Variants in SIDT1 observed in about 807,000 individuals in gnomAD.
The protein encoded by SIDT1 is SID1 transmembrane family, member 1.
A neutral mutation model predicts 107.5 loss-of-function variants in SIDT1; 101 were observed. That is an observed-to-expected ratio of 0.94 (90% CI 0.80 to 1.11). The LOEUF (loss-of-function observed/expected upper bound fraction) is 1.11, where lower values mean the gene tolerates loss of function less well. SIDT1 is among the 50% of genes least tolerant of loss of function. The pLI is 0.00. For synonymous variants in SIDT1, 395 were observed against 398.2 expected (o/e 0.99, Z 0.10); for missense variants, 1,076 against 1,058.2 (o/e 1.02, Z -0.23).
intron 1 of SIDT1, among the ~76,000 whole-genome samples, chr3:113,561,370 T>C (rs1464142349): frequency 6.6e-6 from 1 of 152,218 alleles, no homozygotes; most frequent in East Asian, 1.9e-4. Context: ...GTTTTTATTA[T>C]GACTAGTAAG....
intron 1 of SIDT1, among the ~76,000 whole-genome samples, chr3:113,538,260 C>A (rs1938418475): frequency 6.6e-6 from 1 of 152,228 alleles, no homozygotes; most frequent in Non-Finnish European, 1.5e-5. Context: ...TTCTCAGAGA[C>A]TGTGAAAACA....
At chr3:113,630,916 G>A (rs759372820), downstream of SIDT1, among the ~76,000 whole-genome samples, 40 of 152,130 alleles carry the variant, frequency 2.6e-4, no homozygotes, top group Non-Finnish European at 5.1e-4. Context: ...GAAACCAACT[G>A]TTTCGTTTCC....
chr3:113,589,712 T>G (rs1264300866), intron 9 of SIDT1: 1 of 152,264 alleles, frequency 6.6e-6, no homozygotes, highest in Non-Finnish European at 1.5e-5. Flanking sequence ...TTTTGTATTT[T>G]TAGTAGAGAC....
chr3:113,571,655 C>T (rs1236779717), intron 3 of SIDT1, among the ~76,000 whole-genome samples: 2 of 152,180 alleles, frequency 1.3e-5, no homozygotes, highest in Non-Finnish European at 2.9e-5. Context: ...TAAGAAGGGG[C>T]ATTAGGAAAT....
At chr3:113,556,156 C>T (rs1237039721) in intron 1 of SIDT1, among the ~76,000 whole-genome samples, 1 of 151,970 alleles carries the variant, frequency 6.6e-6, no homozygotes, top group East Asian at 1.9e-4. Flanking sequence ...GTGTTAGTGC[C>T]CAAAATAAAA....
At chr3:113,587,211 A>C (rs993045258) in intron 9 of SIDT1, among the ~76,000 whole-genome samples, 3 of 152,220 alleles carry the variant, frequency 2.0e-5, no homozygotes, top group African/African-American at 7.2e-5. Context: ...ATCTTGATAC[A>C]TATATATCAT....
intron 8 of SIDT1, 75 bp downstream of exon 8, chr3:113,584,844 C>T: frequency 1.9e-6 from 2 of 1,028,812 alleles, no homozygotes; most frequent in Non-Finnish European, 2.9e-6. Flanking sequence ...ATATTACTGT[C>T]ATCCTTCCAG....
intron 9 of SIDT1, among the ~76,000 whole-genome samples, chr3:113,585,537 G>A (rs575793305): frequency 3.2e-4 from 49 of 152,168 alleles, no homozygotes; most frequent in African/African-American, 9.9e-4. Context: ...TGCTGGTAGA[G>A]TGTTATTTTC....
chr3:113,564,965 T>C (rs1192372431), intron 1 of SIDT1, among the ~76,000 whole-genome samples: 1 of 152,146 alleles, frequency 6.6e-6, no homozygotes, highest in African/African-American at 2.4e-5. Flanking sequence ...TTAAGGAAAA[T>C]GATATGAGAA....
intron 20 of SIDT1, among the ~76,000 whole-genome samples, chr3:113,618,073 C>A (rs1027924695): frequency 6.6e-6 from 1 of 152,180 alleles, no homozygotes; most frequent in Non-Finnish European, 1.5e-5. Context: ...CCTCTGGGCT[C>A]GGCCTATTCA....
chr3:113,597,079 C>G (rs1338483774), intron 10 of SIDT1, among the ~76,000 whole-genome samples: 1 of 152,138 alleles, frequency 6.6e-6, no homozygotes, highest in Non-Finnish European at 1.5e-5. Flanking sequence ...TCTTGTCCAG[C>G]TTTTTCTTCT....
In SIDT1 at chr3:113,532,749, G is replaced by A. The variant is rs568554564; in HGVS notation, c.-273G>A. ...GCGATGAGAAACGGGGGACTTAGAAGCCGGAGGAAAATCAGCAGCCCCACA... is the reference window on the plus strand; with the variant it reads ...GCGATGAGAAACGGGGGACTTAGAAACCGGAGGAAAATCAGCAGCCCCACA... On this transcript the variant is annotated 5_prime_UTR_variant, in exon 1 of 25. Coordinates refer to ENST00000264852, the MANE Select transcript of SIDT1 (RefSeq NM_017699.3). The A allele has an allele frequency of 2.2e-4, 80 of 360,908 alleles. 3 individuals carry two copies. The South Asian group carries it at 9.7e-3, about 44-fold the overall frequency. 22.4% of individuals were successfully genotyped at this position (360,908 alleles called of 1,614,324 possible).
At chr3:113,563,308 CAT>C (rs1235591858) in intron 1 of SIDT1, among the ~76,000 whole-genome samples, 17 of 152,196 alleles carry the variant, frequency 1.1e-4, no homozygotes, top group African/African-American at 4.1e-4. Flanking sequence ...CCTTATACCA[CAT>C]ATGAGTATTG....
intron 3 of SIDT1, among the ~76,000 whole-genome samples, chr3:113,574,389 T>A (rs1251045153): frequency 1.3e-5 from 2 of 152,180 alleles, no homozygotes; most frequent in African/African-American, 2.4e-5. Context: ...ATAGTTCAAG[T>A]GAATAATAGG....
chr3:113,607,951 A>AAT, intron 15 of SIDT1, 143 bp from the exon 16 acceptor site: 1 of 984,514 alleles, frequency 1.0e-6, no homozygotes, highest in Non-Finnish European at 1.4e-6. Context: ...GAGGATTTCT[A>AAT]ATACTTTTCT....
At chr3:113,630,603 A>G (rs1947084144), downstream of SIDT1, among the ~76,000 whole-genome samples, 1 of 152,156 alleles carries the variant, frequency 6.6e-6, no homozygotes, top group Admixed American at 6.5e-5. Context: ...TCCAAAACTC[A>G]TGGGAAAGGG....
chr3:113,549,603 T>C (rs1182745221), intron 1 of SIDT1, among the ~76,000 whole-genome samples: 1 of 152,216 alleles, frequency 6.6e-6, no homozygotes, highest in African/African-American at 2.4e-5. Context: ...GTTGTTTTAT[T>C]CATTATTGTT....
At chr3:113,578,647 A>G (rs192652416) in intron 4 of SIDT1, among the ~76,000 whole-genome samples, 2 of 152,246 alleles carry the variant, frequency 1.3e-5, no homozygotes, top group East Asian at 3.9e-4. Flanking sequence ...CAAGAGTTCA[A>G]GACCAGCCTG....
downstream of SIDT1, among the ~76,000 whole-genome samples, chr3:113,629,933 A>T (rs1273033706): frequency 6.6e-6 from 1 of 152,214 alleles, no homozygotes; most frequent in Admixed American, 6.5e-5. Context: ...CATGTTGCTA[A>T]TTCTTTCCAC....
Sources: gnomAD v4.1 joint callset for allele counts (sites outside exome capture counted in the v4.1 genomes callset) on GRCh38, gnomAD v4.1.1 for gene constraint, MANE v1.5 for transcripts, NCBI Gene and HGNC (gene_info 2026-07-23, HGNC 2026-07-21) for gene names.